The following TAS2R1 variants were observed in gnomAD, a reference collection of about 807,000 sequenced individuals.
The protein encoded by TAS2R1 is taste receptor type 2 member 1.
For missense variants in TAS2R1, 370 were observed against 353.4 expected (o/e 1.05, Z -0.38); for synonymous variants, 141 against 134.2 (o/e 1.05, Z -0.35).
At chr5:9,641,033 A>C (rs1057300401) in intron 2 of TAS2R1, among the ~76,000 whole-genome samples, 29 of 152,090 alleles carry the variant, frequency 1.9e-4, no homozygotes, top group African/African-American at 6.8e-4. Context: ...CTGGCATTTC[A>C]GTATTGCAAG....
At chr5:9,870,409 C>T in the TAS2R1 span, among the ~76,000 whole-genome samples, 1 of 152,200 alleles carries the variant, frequency 6.6e-6, no homozygotes, top group Non-Finnish European at 1.5e-5. Flanking sequence ...TCTCTTTCCT[C>T]ACACTTTTCT....
the TAS2R1 span, among the ~76,000 whole-genome samples, chr5:9,782,765 T>C: frequency 3.3e-5 from 5 of 152,050 alleles, no homozygotes; most frequent in African/African-American, 1.2e-4. Context: ...AGGGACTAAA[T>C]GTTGCCTTGT....
chr5:9,761,217 A>G, the TAS2R1 span, among the ~76,000 whole-genome samples: 2 of 152,230 alleles, frequency 1.3e-5, no homozygotes, highest in Admixed American at 1.3e-4. Context: ...TTGTGACCCA[A>G]CTGAGGAGAA....
chr5:9,759,382 G>A, the TAS2R1 span, among the ~76,000 whole-genome samples: 1 of 152,114 alleles, frequency 6.6e-6, no homozygotes, highest in African/African-American at 2.4e-5. Context: ...CAGCTCCAAA[G>A]TCGATGGCAA....
the TAS2R1 span, among the ~76,000 whole-genome samples, chr5:9,804,506 C>T: frequency 6.6e-6 from 1 of 152,110 alleles, no homozygotes; most frequent in Non-Finnish European, 1.5e-5. Flanking sequence ...CAAAACAAGT[C>T]TCAATAAATT....
At chr5:9,676,439 A>T (rs1261560611) in intron 1 of TAS2R1, among the ~76,000 whole-genome samples, 1 of 152,158 alleles carries the variant, frequency 6.6e-6, no homozygotes, top group Non-Finnish European at 1.5e-5. Flanking sequence ...CAGAAGGCCC[A>T]GAAATAGACC....
At chr5:9,680,159 G>A (rs1740965609) in intron 1 of TAS2R1, among the ~76,000 whole-genome samples, 1 of 152,110 alleles carries the variant, frequency 6.6e-6, no homozygotes, top group South Asian at 2.1e-4. Flanking sequence ...AGTTCTTAAT[G>A]ACCAATTTGA....
chr5:9,861,132 T>A, the TAS2R1 span, among the ~76,000 whole-genome samples: 4 of 149,700 alleles, frequency 2.7e-5, no homozygotes, highest in Non-Finnish European at 3.0e-5. Flanking sequence ...AGATTTTACA[T>A]TTTTAAAATT....
chr5:9,846,069 A>G, the TAS2R1 span, among the ~76,000 whole-genome samples: 3 of 152,210 alleles, frequency 2.0e-5, no homozygotes, highest in Non-Finnish European at 4.4e-5. Context: ...GGGGCAATAA[A>G]CTATTTTTTA....
the TAS2R1 span, among the ~76,000 whole-genome samples, chr5:9,807,522 T>C: frequency 2.0e-5 from 3 of 152,144 alleles, no homozygotes; most frequent in African/African-American, 7.2e-5. Flanking sequence ...AATCAACTAG[T>C]AGATATAGAA....
chr5:9,803,521 CT>C, the TAS2R1 span, among the ~76,000 whole-genome samples: 1 of 152,252 alleles, frequency 6.6e-6, no homozygotes, highest in Non-Finnish European at 1.5e-5. Context: ...AAAGGAAAAC[CT>C]ATCAGATTAA....
intron 1 of TAS2R1, among the ~76,000 whole-genome samples, chr5:9,692,216 A>G (rs531119227): frequency 7.2e-5 from 11 of 152,312 alleles, no homozygotes; most frequent in South Asian, 2.1e-4. Context: ...CTCAGCACCA[A>G]GCCAGGATCA....
At chr5:9,743,520 C>T in the TAS2R1 span, among the ~76,000 whole-genome samples, 6 of 152,108 alleles carry the variant, frequency 3.9e-5, no homozygotes, top group Non-Finnish European at 5.9e-5. Context: ...AAACAGTTTA[C>T]AATCAAACAT....
At chr5:9,897,693 T>C in the TAS2R1 span, among the ~76,000 whole-genome samples, 5 of 152,216 alleles carry the variant, frequency 3.3e-5, no homozygotes, top group Non-Finnish European at 7.3e-5. Flanking sequence ...GTTCTTTCTT[T>C]TTTCTTTTTG....
intron 2 of TAS2R1, among the ~76,000 whole-genome samples, chr5:9,640,443 A>G (rs1162982573): frequency 1.3e-5 from 2 of 148,992 alleles, no homozygotes; most frequent in Non-Finnish European, 3.0e-5. Flanking sequence ...GCTGTTGGAA[A>G]AATGACCCCG....
the TAS2R1 span, among the ~76,000 whole-genome samples, chr5:9,835,974 G>A: frequency 2.2e-3 from 330 of 152,208 alleles, 1 homozygote; most frequent in Non-Finnish European, 8.7e-4. Flanking sequence ...GTTTGGCTGC[G>A]TCCCCACCCA....
chr5:9,652,929 T>A (rs1393324568), intron 2 of TAS2R1, among the ~76,000 whole-genome samples: 1 of 152,168 alleles, frequency 6.6e-6, no homozygotes, highest in Non-Finnish European at 1.5e-5. Flanking sequence ...AGTGAACAAT[T>A]CAGTGGCATT....
chr5:9,808,993 T>C, the TAS2R1 span, among the ~76,000 whole-genome samples: 1 of 152,206 alleles, frequency 6.6e-6, no homozygotes, highest in Admixed American at 6.5e-5. Context: ...TAAATTTTTG[T>C]CTTGCTAAGA....
At chr5:9,642,124 T>G (rs1046695965) in intron 2 of TAS2R1, among the ~76,000 whole-genome samples, 1 of 152,298 alleles carries the variant, frequency 6.6e-6, no homozygotes, top group East Asian at 1.9e-4. Flanking sequence ...GAAAGTGCGA[T>G]TTTTTTCACA....
Sources: allele counts gnomAD v4.1 joint callset (sites outside exome capture counted in the v4.1 genomes callset), GRCh38; gene constraint gnomAD v4.1.1; transcripts MANE v1.5; gene names NCBI Gene and HGNC (gene_info 2026-07-23, HGNC 2026-07-21).